The following CREBRF variants were observed in gnomAD, a reference collection of about 807,000 sequenced individuals.
The protein encoded by CREBRF is UPF0474 protein C5orf41.
Under a neutral mutation model 66.1 loss-of-function variants are expected in CREBRF, and 5 were observed. The observed-to-expected ratio is 0.08, with a 90% confidence interval of 0.04 to 0.16. The LOEUF (loss-of-function observed/expected upper bound fraction) is 0.16. Among genes scored for constraint, CREBRF ranks in the 10% least tolerant of loss-of-function variants. CREBRF has a pLI of 1.00. For missense variants in CREBRF, 531 were observed against 744.9 expected (o/e 0.71, Z 3.34); for synonymous variants, 229 against 264.4 (o/e 0.87, Z 1.30).
intron 7 of CREBRF, among the ~76,000 whole-genome samples, chr5:173,113,377 C>T (rs1198306460): frequency 6.6e-6 from 1 of 151,806 alleles, no homozygotes; most frequent in African/African-American, 2.4e-5. Context: ...GGCACGATCT[C>T]GGCTCACTGC....
In CREBRF at chr5:173,086,391, T is replaced by G. The variant is rs1758148420; in HGVS notation, c.10-110T>G. 5.1e-6 allele frequency: 5 copies of G among 987,446 alleles called. No homozygotes were observed. The East Asian group carries it at 1.2e-4, about 24-fold the overall frequency. The allele number at this position is 987,446 out of a possible 1,614,324, so 61.2% of individuals were successfully genotyped here. A position where few individuals can be genotyped will look rare whatever the true frequency, so the allele number is the denominator to read the frequency against. On this transcript the variant is annotated intron_variant, in intron 2 of 8. Transcript: ENST00000296953. ...ACAGTAGAAAAAAAGTATAGAAATGTTTTCTGAAAAGAATAAGTTACTTAG... is the reference window on the plus strand; with the variant it reads ...ACAGTAGAAAAAAAGTATAGAAATGGTTTCTGAAAAGAATAAGTTACTTAG...
At position 173,108,942 on chromosome 5, in the gene CREBRF, A is replaced by G. The variant is rs987457568; in HGVS notation, c.1417+124A>G. On this transcript the variant is annotated intron_variant, in intron 5 of 8. Transcript: ENST00000296953. ...CTAGCAAACTGGAGATGGGGACTGT[A>G]GAGCTGCTACATTTGTGTGACTACT... is the stretch of plus-strand genomic sequence containing the variant. The G allele has an allele frequency of 3.6e-5, 28 of 778,840 alleles. No individual in the cohort carries two copies. In the African/African-American group the frequency reaches 4.2e-4, roughly 12 times the overall value. 48.2% of individuals were successfully genotyped at this position (778,840 alleles called of 1,614,324 possible).
intron 2 of CREBRF, chr5:173,086,187 A>G: frequency 2.6e-6 from 2 of 771,352 alleles, no homozygotes; most frequent in East Asian, 2.5e-5. Context: ...ATCACCCACA[A>G]CATATTTAAT....
At chr5:173,092,762 AT>A (rs1208026459) in intron 4 of CREBRF, among the ~76,000 whole-genome samples, 1 of 152,152 alleles carries the variant, frequency 6.6e-6, no homozygotes, top group East Asian at 1.9e-4. Context: ...CTTTGGTGAA[AT>A]CTTTCTATTA....
rs1165514619 is a variant in CREBRF, at chr5:173,090,785, A to G, written c.606A>G (p.Gln202=). 5 of 1,614,046 alleles carry G rather than the reference A, an allele frequency of 3.1e-6. No homozygotes were observed. Among genetic ancestry groups the G allele is most frequent in the African/African-American group, 2.7e-5 (2 of 74,926 alleles). ...AGGTCCCTTTGTCAGACTGTGTCCA[A>G]AAAGCAAGTAAACCCACTTCAAGCA... ...QAEVPLSDCV[Q]KASKPTSSTQ... Residue 202 remains glutamine (Q), a synonymous_variant, in exon 4 of 9, where the codon CAA becomes CAG. Coordinates refer to ENST00000296953, the MANE Select transcript of CREBRF (RefSeq NM_153607.3). The surrounding 1 kb of genome is among the most constrained non-coding windows in gnomAD (Gnocchi z 4.5).
chr5:173,107,389 AT>A (rs952337898), intron 4 of CREBRF, among the ~76,000 whole-genome samples: 1 of 152,122 alleles, frequency 6.6e-6, no homozygotes, highest in Admixed American at 6.6e-5. Flanking sequence ...CTCTGAGGGT[AT>A]TTTAGATTTA....
chr5:173,068,111 G>C, intron 1 of CREBRF: 1 of 453,634 alleles, frequency 2.2e-6, no homozygotes, highest in Non-Finnish European at 4.4e-6. Context: ...ATAATAACTT[G>C]CTGGTTGTCA....
At chr5:173,100,078 T>TTG (rs749558283) in intron 4 of CREBRF, among the ~76,000 whole-genome samples, 744 of 69,112 alleles carry the variant, frequency 0.011, 7 homozygotes, top group East Asian at 0.045. Context: ...GGCTAATCTT[T>TTG]TGTGTGTGTG....
intron 7 of CREBRF, among the ~76,000 whole-genome samples, chr5:173,119,337 C>G (rs1381328598): frequency 6.6e-6 from 1 of 152,112 alleles, no homozygotes; most frequent in Non-Finnish European, 1.5e-5. Flanking sequence ...GCTAAGTCTT[C>G]TTTAGTTTCT....
intron 2 of CREBRF, among the ~76,000 whole-genome samples, chr5:173,082,824 G>T (rs964648077): frequency 4.1e-5 from 6 of 144,914 alleles, no homozygotes; most frequent in African/African-American, 1.6e-4. Flanking sequence ...CGGGAGAATC[G>T]CATGAACCCT....
intron 2 of CREBRF, 144 bp downstream of exon 2, chr5:173,080,928 CAT>C: frequency 1.3e-6 from 1 of 754,070 alleles, no homozygotes; most frequent in Non-Finnish European, 2.2e-6. Context: ...GTTTTGAGTA[CAT>C]GTTCTTCCTT....
intron 4 of CREBRF, among the ~76,000 whole-genome samples, chr5:173,095,649 G>T (rs1758459886): frequency 6.6e-6 from 1 of 152,010 alleles, no homozygotes; most frequent in Admixed American, 6.6e-5. Flanking sequence ...CATTGAATTT[G>T]TAGTTCATTT....
At chr5:173,063,259 A>G (rs1205340174) in intron 1 of CREBRF, among the ~76,000 whole-genome samples, 3 of 152,228 alleles carry the variant, frequency 2.0e-5, no homozygotes, top group Admixed American at 2.0e-4. Flanking sequence ...TCTTGGCAAC[A>G]TAAATCATCC....
chr5:173,115,108 CTTTT>C (rs751890606), intron 7 of CREBRF, among the ~76,000 whole-genome samples: 1 of 140,304 alleles, frequency 7.1e-6, no homozygotes. Context: ...TTTTCTTTTT[CTTTT>C]TTTTTTTTTT....
chr5:173,063,873 C>T (rs951195837), intron 1 of CREBRF, among the ~76,000 whole-genome samples: 2 of 151,440 alleles, frequency 1.3e-5, no homozygotes, highest in Non-Finnish European at 2.9e-5. Flanking sequence ...AGGCACCTGC[C>T]ACCATGCCCG....
intron 1 of CREBRF, among the ~76,000 whole-genome samples, chr5:173,061,386 ACAAGAGCATATGG>A: frequency 6.6e-6 from 1 of 152,336 alleles, no homozygotes; most frequent in East Asian, 1.9e-4. Context: ...AATTTTTAGT[ACAAGAGCATATGG>A]CAACATTGTA....
intron 1 of CREBRF, among the ~76,000 whole-genome samples, chr5:173,065,272 G>T (rs950827742): frequency 1.3e-5 from 2 of 152,202 alleles, no homozygotes; most frequent in African/African-American, 2.4e-5. Context: ...TATAAAAGAT[G>T]TGTAGTGTGG....
At chr5:173,086,221 TG>T (rs2113724682) in intron 2 of CREBRF, 1 of 752,056 alleles carries the variant, frequency 1.3e-6, no homozygotes, top group East Asian at 2.5e-5. Context: ...GAAATAGTTT[TG>T]TATCCACTTT....
At chr5:173,079,299 T>C (rs559444429) in intron 1 of CREBRF, among the ~76,000 whole-genome samples, 1 of 151,910 alleles carries the variant, frequency 6.6e-6, no homozygotes, top group Non-Finnish European at 1.5e-5. Context: ...TCTAATTAAG[T>C]AGAACAATGA....
Sources: gnomAD v4.1 joint callset for allele counts (sites outside exome capture counted in the v4.1 genomes callset) on GRCh38, gnomAD v4.1.1 for gene constraint, Gnocchi (gnomAD v3.1) non-coding constraint, MANE v1.5 for transcripts, NCBI Gene and HGNC (gene_info 2026-07-23, HGNC 2026-07-21) for gene names.